Variants in CNTNAP2 observed in about 807,000 individuals in gnomAD.
CNTNAP2 encodes the protein contactin-associated protein-like 2.
A neutral mutation model predicts 155.2 loss-of-function variants in CNTNAP2; 98 were observed. That is an observed-to-expected ratio of 0.63 (90% CI 0.54 to 0.75). CNTNAP2 has a LOEUF of 0.75. CNTNAP2 is among the 30% of genes least tolerant of loss of function. CNTNAP2 has a pLI of 0.00. For synonymous variants in CNTNAP2, 651 were observed against 631.2 expected (o/e 1.03, Z -0.47); for missense variants, 1,727 against 1,688.1 (o/e 1.02, Z -0.40).
Position 147,851,881 on chromosome 7 carries a change from C to T in CNTNAP2, c.2099-51684C>T, listed in dbSNP as rs149350022. Among the ~76,000 whole-genome samples the T allele has an allele frequency of 1.9e-3, 284 of 151,966 alleles. 1 individual carries two copies. Among genetic ancestry groups the T allele is most frequent in the African/African-American group, 6.2e-3 (256 of 41,434 alleles). On this transcript the variant is annotated intron_variant, in intron 13 of 23. Coordinates refer to ENST00000361727, the MANE Select transcript of CNTNAP2 (RefSeq NM_014141.6). Reference sequence around the variant, plus strand: ...ATATGTAATAAACCTGCACGTTGTGCATATGTACCCTAGAACTTAAAATAT... The same window carrying T: ...ATATGTAATAAACCTGCACGTTGTGTATATGTACCCTAGAACTTAAAATAT...
chr7:146,571,755 G>A (rs1326555488), intron 1 of CNTNAP2, among the ~76,000 whole-genome samples: 1 of 142,564 alleles, frequency 7.0e-6, no homozygotes, highest in Non-Finnish European at 1.5e-5. Context: ...TTTTTGAGAC[G>A]CAGTCTCAAT....
intron 10 of CNTNAP2, among the ~76,000 whole-genome samples, chr7:147,484,505 G>A (rs1342245159): frequency 6.6e-6 from 1 of 152,180 alleles, no homozygotes. Context: ...TGAACTATGA[G>A]CTCTTCTGCA....
intron 9 of CNTNAP2, among the ~76,000 whole-genome samples, chr7:147,373,263 T>G (rs1796378950): frequency 6.6e-6 from 1 of 152,010 alleles, no homozygotes; most frequent in Non-Finnish European, 1.5e-5. Context: ...GAATGCCATT[T>G]TTACAGCATT....
chr7:147,094,995 G>T, intron 4 of CNTNAP2, among the ~76,000 whole-genome samples: 1 of 151,772 alleles, frequency 6.6e-6, no homozygotes, highest in Non-Finnish European at 1.5e-5. Context: ...CAAGGGCAAC[G>T]CATCTTTCTG....
chr7:147,061,868 C>T (rs1301245741), intron 4 of CNTNAP2, among the ~76,000 whole-genome samples: 2 of 152,104 alleles, frequency 1.3e-5, no homozygotes, highest in Non-Finnish European at 2.9e-5. Flanking sequence ...GGCACGGTGG[C>T]TCACGCCTGT....
At chr7:146,398,457 T>C (rs760095463) in intron 1 of CNTNAP2, among the ~76,000 whole-genome samples, 1 of 152,096 alleles carries the variant, frequency 6.6e-6, no homozygotes, top group African/African-American at 2.4e-5. Flanking sequence ...AGGAAATCCC[T>C]GATTACCTCC....
intron 13 of CNTNAP2, among the ~76,000 whole-genome samples, chr7:147,842,587 C>CTTTTTTTTTTTT (rs3055146): frequency 5.9e-5 from 5 of 84,404 alleles, no homozygotes; most frequent in East Asian, 3.9e-4. Context: ...TTTTACTTTT[C>CTTTTTTTTTTTT]TTTTTTTTTT....
chr7:147,007,329 T>C (rs1470994910), intron 3 of CNTNAP2, among the ~76,000 whole-genome samples: 1 of 152,076 alleles, frequency 6.6e-6, no homozygotes, highest in East Asian at 1.9e-4. Context: ...ATAAATTTTC[T>C]TTTTGCATTG....
At chr7:148,400,399 T>G (rs1799556782) in intron 22 of CNTNAP2, among the ~76,000 whole-genome samples, 1 of 152,124 alleles carries the variant, frequency 6.6e-6, no homozygotes, top group Non-Finnish European at 1.5e-5. Context: ...GCACTCCTGT[T>G]AACATCAGCA....
chr7:146,832,670 C>CGT (rs372328046), intron 2 of CNTNAP2, among the ~76,000 whole-genome samples: 2,454 of 148,086 alleles, frequency 0.017, 64 homozygotes, highest in African/African-American at 0.055. Flanking sequence ...TAAATATGTA[C>CGT]GTGTGTGTGT....
intron 12 of CNTNAP2, among the ~76,000 whole-genome samples, chr7:147,564,753 T>G (rs1053503209): frequency 3.3e-5 from 5 of 152,168 alleles, no homozygotes; most frequent in African/African-American, 1.2e-4. Flanking sequence ...CATCAATATC[T>G]CCCTTAAACA....
At position 148,314,743 on chromosome 7, in the gene CNTNAP2, G is replaced by A. The variant is rs180978222; in HGVS notation, c.3475+47617G>A. The stretch of plus-strand genomic sequence containing the variant: ...GGGGGTTCTTGCCCTCCAGAAAAGC[G>A]GTACTTGCCACTAAGGGTGAAGGAC... On this transcript the variant is annotated intron_variant, in intron 21 of 23. Coordinates refer to ENST00000361727, the MANE Select transcript of CNTNAP2 (RefSeq NM_014141.6). 2.6e-3 allele frequency among the ~76,000 whole-genome samples: 398 copies of A among 152,266 alleles called. 1 individual carries two copies. The highest frequency in any genetic ancestry group is 9.1e-3 in the African/African-American group (380 of 41,564).
At chr7:148,106,524 A>AT (rs1225983915) in intron 15 of CNTNAP2, among the ~76,000 whole-genome samples, 30 of 142,176 alleles carry the variant, frequency 2.1e-4, no homozygotes, top group Admixed American at 1.9e-3. Flanking sequence ...ATATATACAT[A>AT]TTTTTTTTTC....
At chr7:147,066,469 G>T (rs1799781649) in intron 4 of CNTNAP2, among the ~76,000 whole-genome samples, 1 of 152,126 alleles carries the variant, frequency 6.6e-6, no homozygotes, top group Admixed American at 6.5e-5. Flanking sequence ...ACTGGAAATT[G>T]TTTTTGCCTT....
intron 1 of CNTNAP2, among the ~76,000 whole-genome samples, chr7:146,719,114 T>C (rs1015147969): frequency 1.3e-5 from 2 of 152,214 alleles, no homozygotes; most frequent in African/African-American, 4.8e-5. Context: ...CCCCACCCAA[T>C]GTTGATGCAA....
intron 16 of CNTNAP2, among the ~76,000 whole-genome samples, chr7:148,122,271 C>T (rs1804613783): frequency 6.6e-6 from 1 of 152,164 alleles, no homozygotes; most frequent in Non-Finnish European, 1.5e-5. Context: ...TGCTGCTAAC[C>T]TTAAAGCACA....
chr7:147,660,010 T>C (rs1795586725), intron 13 of CNTNAP2, among the ~76,000 whole-genome samples: 1 of 152,214 alleles, frequency 6.6e-6, no homozygotes, highest in African/African-American at 2.4e-5. Flanking sequence ...TGCAAACTGA[T>C]ACTTAATTAT....
chr7:146,926,074 T>G (rs867016948), intron 3 of CNTNAP2, among the ~76,000 whole-genome samples: 1 of 152,148 alleles, frequency 6.6e-6, no homozygotes, highest in Non-Finnish European at 1.5e-5. Context: ...TTGGAGATAA[T>G]AATACTCAAA....
chr7:147,478,364 G>C (rs950886609), intron 10 of CNTNAP2, among the ~76,000 whole-genome samples: 1 of 152,104 alleles, frequency 6.6e-6, no homozygotes, highest in Non-Finnish European at 1.5e-5. Context: ...TGTTGGTCAG[G>C]CTGGTCTTGA....
Sources: allele counts gnomAD v4.1 joint callset (sites outside exome capture counted in the v4.1 genomes callset), GRCh38; gene constraint gnomAD v4.1.1; transcripts MANE v1.5; gene names NCBI Gene and HGNC (gene_info 2026-07-23, HGNC 2026-07-21).